SYNGR1: variants seen among roughly 807,000 people sequenced by gnomAD.
The protein encoded by SYNGR1 is synaptogyrin 1, also known as synaptogyrin-1.
A neutral mutation model predicts 26.1 loss-of-function variants in SYNGR1; 14 were observed. That is an observed-to-expected ratio of 0.54 (90% CI 0.35 to 0.84). SYNGR1 has a LOEUF of 0.84. SYNGR1 is among the 40% of genes least tolerant of loss of function. SYNGR1 has a pLI of 0.01. For missense variants in SYNGR1, 319 were observed against 332.9 expected (o/e 0.96, Z 0.33); for synonymous variants, 141 against 150.1 (o/e 0.94, Z 0.44).
chr22:39,380,862 C>T (rs2050660861), intron 3 of SYNGR1, among the ~76,000 whole-genome samples: 1 of 152,078 alleles, frequency 6.6e-6, no homozygotes, highest in African/African-American at 2.4e-5. Context: ...CTCAAGTAAT[C>T]TGCCCATCTT....
rs1601670038 is a variant in SYNGR1 at position 39,382,309 on chromosome 22, T to G, written c.*395T>G. On this transcript the variant is annotated 3_prime_UTR_variant, in exon 4 of 4. Transcript: ENST00000328933. ...CTGGTGGTACCAGAGGCCAGAATGG[T>G]GGGAAAGACAGATCCAGATAATGCT... is the stretch of plus-strand genomic sequence containing the variant. 3.0e-6 allele frequency: 1 copy of G among 331,144 alleles called. No individual in the cohort carries two copies. The highest frequency in any genetic ancestry group is 4.0e-5 in the Admixed American group (1 of 24,740). The allele number at this position is 331,144 out of a possible 1,614,324, so 20.5% of individuals were successfully genotyped here.
At chr22:39,380,414 T>C (rs182369076) in intron 3 of SYNGR1, among the ~76,000 whole-genome samples, 6 of 151,906 alleles carry the variant, frequency 3.9e-5, no homozygotes, top group Non-Finnish European at 8.8e-5. Context: ...CATCTTTCCT[T>C]TTTTTTAGAG....
At chr22:39,371,960 A>G (rs1003077917) in intron 1 of SYNGR1, among the ~76,000 whole-genome samples, 2 of 152,128 alleles carry the variant, frequency 1.3e-5, no homozygotes, top group African/African-American at 4.8e-5. Flanking sequence ...TTGCCCTACA[A>G]CATAAGGCTT....
intron 1 of SYNGR1, among the ~76,000 whole-genome samples, chr22:39,362,739 A>G (rs1924540766): frequency 6.6e-6 from 1 of 152,060 alleles, no homozygotes; most frequent in Non-Finnish European, 1.5e-5. Context: ...CCCCCTTTTC[A>G]GGGAGTGAGC....
chr22:39,371,653 A>T (rs1350448828), intron 1 of SYNGR1, among the ~76,000 whole-genome samples: 2 of 151,792 alleles, frequency 1.3e-5, no homozygotes, highest in African/African-American at 4.8e-5. Context: ...TTAACCAGGT[A>T]TCGTGGCAAA....
At chr22:39,370,865 C>G (rs1005667912) in intron 1 of SYNGR1, among the ~76,000 whole-genome samples, 1 of 152,050 alleles carries the variant, frequency 6.6e-6, no homozygotes, top group African/African-American at 2.4e-5. Flanking sequence ...AAGTGATCTA[C>G]CCATCTTGGT....
chr22:39,385,081 T>C lies in SYNGR1; in HGVS notation c.*3167T>C. Reference sequence around the variant, plus strand: ...CTCGGGGATCCCAGGTTTCCCCATGTAACTGAGACACCCTGCCTGTTAGCC... The same window carrying C: ...CTCGGGGATCCCAGGTTTCCCCATGCAACTGAGACACCCTGCCTGTTAGCC... On this transcript the variant is annotated 3_prime_UTR_variant, in exon 4 of 4. Coordinates refer to ENST00000328933, the MANE Select transcript of SYNGR1 (RefSeq NM_004711.5). 2.5e-6 allele frequency: 1 copy of C among 398,800 alleles called. No individual in the cohort carries two copies. Among genetic ancestry groups the C allele is most frequent in the South Asian group, 1.3e-4 (1 of 7,644 alleles). 24.7% of individuals were successfully genotyped at this position (398,800 alleles called of 1,614,324 possible).
At position 39,350,163 on chromosome 22, in the gene SYNGR1, C is replaced by A. The variant is rs3747177; in HGVS notation, c.99+54C>A. 0.24 allele frequency: 311,989 copies of A among 1,276,074 alleles called. 45,311 individuals carry two copies. The highest frequency in any genetic ancestry group is 0.82 in the East Asian group (20,902 of 25,340). The allele number at this position is 1,276,074 out of a possible 1,614,324, so 79.0% of individuals were successfully genotyped here. A position where few individuals can be genotyped will look rare whatever the true frequency, so the allele number is the denominator to read the frequency against. On this transcript the variant is annotated intron_variant, in intron 1 of 3. Transcript: ENST00000328933. The surrounding 1 kb of genome is among the most constrained non-coding windows in gnomAD (Gnocchi z 4.3). ...CAGGCCGGGGTGGTGGGGGTGTGAGCAAAGGCGGCGCGCCCGGACCGACCC... is the reference window on the plus strand; with the variant it reads ...CAGGCCGGGGTGGTGGGGGTGTGAGAAAAGGCGGCGCGCCCGGACCGACCC...
In SYNGR1 at chr22:39,350,073, C is replaced by T; in HGVS notation, c.63C>T (p.Val21=). The T allele has an allele frequency of 6.8e-7, 1 of 1,467,614 alleles. No homozygotes were observed. The highest frequency in any genetic ancestry group is 1.3e-5 in the South Asian group (1 of 79,706). The allele number at this position is 1,467,614 out of a possible 1,614,324, so 90.9% of individuals were successfully genotyped here. A position where few individuals can be genotyped will look rare whatever the true frequency, so the allele number is the denominator to read the frequency against. Reference sequence around the variant, plus strand: ...GCGCCTTCGACCCCTACACCCTGGTCCGGCAGCCGCACACCATCCTGCGCG... The same window carrying T: ...GCGCCTTCGACCCCTACACCCTGGTTCGGCAGCCGCACACCATCCTGCGCG... ...AGGAFDPYTL[V]RQPHTILRVV... is the part of the protein sequence containing the mutation. The change falls in exon 1 of 4, where the codon GTC becomes GTT. Residue 21 remains valine (V), a synonymous_variant. Coordinates refer to ENST00000328933, the MANE Select transcript of SYNGR1 (RefSeq NM_004711.5). This position sits in a 1 kb window ranked among gnomAD's most constrained non-coding sequence, Gnocchi z 4.3.
chr22:39,362,893 T>C (rs1300626642), intron 1 of SYNGR1, among the ~76,000 whole-genome samples: 2 of 151,974 alleles, frequency 1.3e-5, no homozygotes, highest in Non-Finnish European at 2.9e-5. Context: ...TTCCTGACCC[T>C]CTCCCTGGGT....
At chr22:39,368,554 C>T (rs1924877884) in intron 1 of SYNGR1, among the ~76,000 whole-genome samples, 1 of 152,222 alleles carries the variant, frequency 6.6e-6, no homozygotes, top group Non-Finnish European at 1.5e-5. Flanking sequence ...CTATTCTGTT[C>T]TTGCTCTGCA....
intron 3 of SYNGR1, chr22:39,376,957 C>T: frequency 2.6e-6 from 4 of 1,524,628 alleles, no homozygotes; most frequent in South Asian, 1.2e-5. Context: ...CGGCTGGCCC[C>T]TCTTTCCCAC....
chr22:39,369,255 C>G (rs1924909821), intron 1 of SYNGR1, among the ~76,000 whole-genome samples: 1 of 152,208 alleles, frequency 6.6e-6, no homozygotes, highest in African/African-American at 2.4e-5. Context: ...CTAGCAGTCC[C>G]TGGAGTTGTG....
At chr22:39,377,426 C>A (rs1925333448) in intron 3 of SYNGR1, 1 of 985,266 alleles carries the variant, frequency 1.0e-6, no homozygotes, top group African/African-American at 1.7e-5. Context: ...GACCACCCAG[C>A]CTACAGGGAG....
chr22:39,355,018 ATGT>A (rs772793792), intron 1 of SYNGR1, among the ~76,000 whole-genome samples: 16 of 152,110 alleles, frequency 1.1e-4, no homozygotes, highest in African/African-American at 1.7e-4. Context: ...GCCAGTTCTG[ATGT>A]TCATTTGTTC....
intron 2 of SYNGR1, chr22:39,375,442 T>C (rs1925235381): frequency 5.6e-6 from 1 of 178,150 alleles, no homozygotes; most frequent in Admixed American, 5.4e-5. Flanking sequence ...TGCGTGGCTA[T>C]GAGGCTCCCA....
At chr22:39,376,356 T>C in intron 3 of SYNGR1, 159 bp downstream of exon 3, 1 of 1,284,444 alleles carries the variant, frequency 7.8e-7, no homozygotes, top group Non-Finnish European at 1.1e-6. Context: ...CTCACAGTGG[T>C]GCTGCCTCCC....
Position 39,384,490 on chromosome 22 carries a change from G to T in SYNGR1, c.*2576G>T. 2.5e-6 allele frequency: 1 copy of T among 398,872 alleles called. No individual in the cohort carries two copies. Among genetic ancestry groups the T allele is most frequent in the Non-Finnish European group, 4.4e-6 (1 of 226,178 alleles). The allele number at this position is 398,872 out of a possible 1,614,324, so 24.7% of individuals were successfully genotyped here. On this transcript the variant is annotated 3_prime_UTR_variant, in exon 4 of 4. Transcript: ENST00000328933. ...TCAGGCTGGGCTCTGGCAGGGACCT[G>T]CCCAGGATGGAGATGAGAGAGGGTG...
chr22:39,385,013 T>C lies in SYNGR1; in HGVS notation c.*3099T>C, dbSNP rs1925614872. ...CTAATTCCCAGGGGACTGACGTTAG[T>C]TCCCTACTCCATCCTTCCCTGGTGA... On this transcript the variant is annotated 3_prime_UTR_variant, in exon 4 of 4. Coordinates refer to ENST00000328933, the MANE Select transcript of SYNGR1 (RefSeq NM_004711.5). 1 of 398,876 alleles carries C rather than the reference T, an allele frequency of 2.5e-6. No homozygotes were observed. The highest frequency in any genetic ancestry group is 4.4e-6 in the Non-Finnish European group (1 of 226,124). The allele number at this position is 398,876 out of a possible 1,614,324, so 24.7% of individuals were successfully genotyped here. A position where few individuals can be genotyped will look rare whatever the true frequency, so the allele number is the denominator to read the frequency against.
Sources: gnomAD v4.1 joint callset for allele counts (sites outside exome capture counted in the v4.1 genomes callset) on GRCh38, gnomAD v4.1.1 for gene constraint, Gnocchi (gnomAD v3.1) non-coding constraint, MANE v1.5 for transcripts, NCBI Gene and HGNC (gene_info 2026-07-23, HGNC 2026-07-21) for gene names.